The following NGF variants were observed in gnomAD, a reference collection of about 807,000 sequenced individuals.
NGF encodes nerve growth factor.
Under a neutral mutation model 12.8 loss-of-function variants are expected in NGF, and 4 were observed. That is an observed-to-expected ratio of 0.31 (90% confidence interval 0.15 to 0.72). The LOEUF is 0.72. Ranked by LOEUF, NGF falls within the 30% of genes least tolerant of loss-of-function variation. The pLI is 0.69. For missense variants in NGF, 283 were observed against 330.8 expected, an observed-to-expected ratio of 0.86 and a Z score of 1.12; for synonymous variants, 140 against 130.0, an observed-to-expected ratio of 1.08 and a Z score of -0.52.
At chr1:115,335,855 C>A (rs1203828746) in intron 1 of NGF, among the ~76,000 whole-genome samples, 1 of 152,276 alleles carries the variant, frequency 6.6e-6, no homozygotes, top group East Asian at 1.9e-4. Flanking sequence ...GTAAAGCACT[C>A]CATCAATGAG....
intron 1 of NGF, among the ~76,000 whole-genome samples, chr1:115,300,036 C>T (rs1030864375): frequency 7.2e-5 from 11 of 152,186 alleles, no homozygotes; most frequent in Admixed American, 2.0e-4. Flanking sequence ...GAAAACAAAA[C>T]GGTGCCAGTG....
chr1:115,315,233 A>T (rs1237863048), intron 1 of NGF, among the ~76,000 whole-genome samples: 1 of 152,192 alleles, frequency 6.6e-6, no homozygotes, highest in Non-Finnish European at 1.5e-5. Context: ...AGAAAGCAAC[A>T]TGACTGGATA....
At chr1:115,336,262 G>C (rs553120741) in intron 1 of NGF, among the ~76,000 whole-genome samples, 3 of 152,344 alleles carry the variant, frequency 2.0e-5, no homozygotes, top group Admixed American at 2.0e-4. Context: ...GGTGCCAGCA[G>C]CTGGTTCTAA....
intron 1 of NGF, among the ~76,000 whole-genome samples, chr1:115,331,339 T>TA (rs1247862441): frequency 2.0e-5 from 3 of 152,162 alleles, no homozygotes; most frequent in African/African-American, 7.2e-5. Flanking sequence ...AGGACTCCTG[T>TA]AAAATCCTAC....
At chr1:115,337,755 C>T (rs1655174949) in intron 1 of NGF, among the ~76,000 whole-genome samples, 1 of 152,172 alleles carries the variant, frequency 6.6e-6, no homozygotes, top group East Asian at 1.9e-4. Flanking sequence ...TCACCTCAGC[C>T]AGCGCGCTCT....
intron 1 of NGF, among the ~76,000 whole-genome samples, chr1:115,315,948 T>A (rs528505368): frequency 2.6e-5 from 4 of 152,292 alleles, no homozygotes; most frequent in African/African-American, 9.6e-5. Context: ...ACTTCCTGTC[T>A]CTTAGATTGT....
chr1:115,333,366 T>C (rs977844293), intron 1 of NGF, among the ~76,000 whole-genome samples: 6 of 152,148 alleles, frequency 3.9e-5, no homozygotes, highest in African/African-American at 1.4e-4. Context: ...CCAGCTTCTT[T>C]CATTCGCAGG....
chr1:115,323,742 T>C (rs1654691737), intron 1 of NGF, among the ~76,000 whole-genome samples: 1 of 152,222 alleles, frequency 6.6e-6, no homozygotes, highest in African/African-American at 2.4e-5. Flanking sequence ...TTTAAAACTT[T>C]AAAACAGACT....
chr1:115,299,289 C>G (rs950379916), intron 1 of NGF, among the ~76,000 whole-genome samples: 1 of 152,198 alleles, frequency 6.6e-6, no homozygotes, highest in Admixed American at 6.5e-5. Context: ...TCCTATGGCT[C>G]TTTGGGAAAT....
chr1:115,326,786 G>A (rs1231266415), intron 1 of NGF, among the ~76,000 whole-genome samples: 1 of 152,182 alleles, frequency 6.6e-6, no homozygotes, highest in Non-Finnish European at 1.5e-5. Context: ...ACCAGCACGA[G>A]CACCTGGAGT....
chr1:115,298,694 T>C (rs1653947777), intron 1 of NGF, among the ~76,000 whole-genome samples: 1 of 152,084 alleles, frequency 6.6e-6, no homozygotes, highest in Non-Finnish European at 1.5e-5. Flanking sequence ...TGTCCCTAAA[T>C]CTTTGGTGTT....
chr1:115,323,721 A>C lies in NGF; in HGVS notation c.-137+14483T>G, dbSNP rs1654691279. Among the ~76,000 whole-genome samples the C allele has an allele frequency of 5.9e-5, 9 of 152,226 alleles. No homozygotes were observed. In the South Asian group the frequency reaches 1.9e-3, roughly 32 times the overall value. Reference sequence around the variant, plus strand: ...GGTTGGAGTAAGCTGCCTGCATCTTAGGTGTGTTACTTTAAAACTTTAAAA... The same window carrying C: ...GGTTGGAGTAAGCTGCCTGCATCTTCGGTGTGTTACTTTAAAACTTTAAAA... On this transcript the variant is annotated intron_variant, in intron 1 of 2. Coordinates refer to ENST00000369512, the MANE Select transcript of NGF (RefSeq NM_002506.3).
chr1:115,291,790 C>A (rs1282675246), intron 2 of NGF, among the ~76,000 whole-genome samples: 3 of 152,194 alleles, frequency 2.0e-5, no homozygotes, highest in East Asian at 1.9e-4. Context: ...CAGAGCTAAG[C>A]AACTGGCCCA....
intron 1 of NGF, among the ~76,000 whole-genome samples, chr1:115,337,270 T>TG (rs1327135980): frequency 0.018 from 741 of 41,540 alleles, 70 homozygotes; most frequent in African/African-American, 0.05. Flanking sequence ...TGTTTTTGTT[T>TG]TTTTTTTTTT....
At chr1:115,298,759 T>C (rs1416792295) in intron 1 of NGF, among the ~76,000 whole-genome samples, 1 of 151,624 alleles carries the variant, frequency 6.6e-6, no homozygotes, top group Non-Finnish European at 1.5e-5. Context: ...CACTATTTGG[T>C]AATAGCCAAA....
intron 1 of NGF, among the ~76,000 whole-genome samples, chr1:115,308,451 G>A (rs1482183084): frequency 6.6e-6 from 1 of 152,202 alleles, no homozygotes; most frequent in Non-Finnish European, 1.5e-5. Flanking sequence ...GGCTTTCACA[G>A]GGAGTCTGAG....
At chr1:115,300,568 G>A (rs1052482180) in intron 1 of NGF, among the ~76,000 whole-genome samples, 14 of 152,246 alleles carry the variant, frequency 9.2e-5, no homozygotes, top group African/African-American at 1.9e-4. Flanking sequence ...ATCAGATACC[G>A]TCCCACTCCA....
chr1:115,314,970 CTGAATGAAGTG>C (rs1654437252), intron 1 of NGF, among the ~76,000 whole-genome samples: 1 of 152,154 alleles, frequency 6.6e-6, no homozygotes, highest in South Asian at 2.1e-4. Flanking sequence ...ACAAAGAGAC[CTGAATGAAGTG>C]TGGGAGAAAG....
chr1:115,299,128 G>A (rs1653959903), intron 1 of NGF, among the ~76,000 whole-genome samples: 1 of 152,168 alleles, frequency 6.6e-6, no homozygotes, highest in Admixed American at 6.5e-5. Flanking sequence ...ACTATCTAGT[G>A]GTTTTGGCAC....
Sources: allele counts gnomAD v4.1 joint callset (sites outside exome capture counted in the v4.1 genomes callset), GRCh38; gene constraint gnomAD v4.1.1; transcripts MANE v1.5; gene names NCBI Gene and HGNC (gene_info 2026-07-23, HGNC 2026-07-21).